SWT1: variants seen among roughly 807,000 people sequenced by gnomAD.
SWT1 encodes SWT1 RNA endoribonuclease homolog.
SWT1 carries 33 observed loss-of-function variants against 107.3 expected under a neutral mutation model. That is an observed-to-expected ratio of 0.31 (90% CI 0.23 to 0.41). SWT1 has a LOEUF of 0.41. Among genes scored for constraint, SWT1 ranks in the 10% least tolerant of loss-of-function variants. The pLI is 1.00. For synonymous variants in SWT1, 345 were observed against 348.3 expected (o/e 0.99, Z 0.11); for missense variants, 898 against 1,028.9 (o/e 0.87, Z 1.74).
chr1:185,162,816 T>TA (rs1218358032), intron 2 of SWT1, among the ~76,000 whole-genome samples: 3 of 151,876 alleles, frequency 2.0e-5, no homozygotes, highest in East Asian at 3.9e-4. Context: ...GCATTATGTC[T>TA]AAAAAAATGT....
Position 185,231,724 on chromosome 1 carries a change from A to C in SWT1, c.2441+16A>C. On this transcript the variant is annotated intron_variant, in intron 16 of 18. Transcript: ENST00000367500. ...GAATTCAAAGGTAAACACTATATTA[A>C]TTTTAAAGTGTTATTTACTTATTAC... The C allele has an allele frequency of 1.3e-6, 2 of 1,579,716 alleles. No individual in the cohort carries two copies. Among genetic ancestry groups the C allele is most frequent in the Non-Finnish European group, 1.7e-6 (2 of 1,156,870 alleles).
chr1:185,178,091 A>G (rs1405560244), intron 5 of SWT1, among the ~76,000 whole-genome samples: 2 of 152,226 alleles, frequency 1.3e-5, no homozygotes, highest in Non-Finnish European at 2.9e-5. Flanking sequence ...TGATGTTAGT[A>G]TAAATCTCCG....
intron 10 of SWT1, among the ~76,000 whole-genome samples, chr1:185,191,651 A>G (rs2102410798): frequency 6.6e-6 from 1 of 152,294 alleles, no homozygotes; most frequent in Non-Finnish European, 1.5e-5. Context: ...TTTAAATTAT[A>G]TTTTGATCTA....
At chr1:185,264,073 T>C (rs1663213879) in intron 16 of SWT1, 1 of 152,206 alleles carries the variant, frequency 6.6e-6, no homozygotes, top group Admixed American at 6.5e-5. Flanking sequence ...TCTCTCCTCA[T>C]TTAGTTGGTA....
At chr1:185,262,786 C>CT (rs572086827) in intron 16 of SWT1, among the ~76,000 whole-genome samples, 6,296 of 135,448 alleles carry the variant, frequency 0.046, 271 homozygotes, top group African/African-American at 0.12. Flanking sequence ...TTTCTTCTTT[C>CT]TTTTTTTTTT....
intron 7 of SWT1, 148 bp downstream of exon 7, chr1:185,182,205 C>T: frequency 2.7e-6 from 2 of 747,994 alleles, no homozygotes; most frequent in Middle Eastern, 4.1e-4. Flanking sequence ...TTTTTAGGTA[C>T]AGGAATTAGA....
intron 2 of SWT1, among the ~76,000 whole-genome samples, chr1:185,161,549 A>G (rs1488085722): frequency 1.3e-5 from 2 of 152,044 alleles, no homozygotes; most frequent in Non-Finnish European, 2.9e-5. Context: ...ACAAAAAAAA[A>G]AAGCCAGACG....
intron 14 of SWT1, among the ~76,000 whole-genome samples, chr1:185,217,682 A>C (rs1380099126): frequency 6.6e-6 from 1 of 150,778 alleles, no homozygotes; most frequent in Non-Finnish European, 1.5e-5. Context: ...TGCAACCTCC[A>C]CCTCCCAGGT....
chr1:185,219,878 G>A (rs1659503711), intron 14 of SWT1, among the ~76,000 whole-genome samples: 1 of 151,940 alleles, frequency 6.6e-6, no homozygotes, highest in Non-Finnish European at 1.5e-5. Context: ...GCTTATGCCT[G>A]TAATCCCAGC....
At chr1:185,251,983 C>T (rs1372208463) in intron 16 of SWT1, among the ~76,000 whole-genome samples, 3 of 151,536 alleles carry the variant, frequency 2.0e-5, no homozygotes, top group Admixed American at 1.3e-4. Flanking sequence ...TGTGATATTC[C>T]CCTTCCTGTG....
At chr1:185,170,028 G>A (rs1401814499) in intron 4 of SWT1, among the ~76,000 whole-genome samples, 1 of 152,134 alleles carries the variant, frequency 6.6e-6, no homozygotes, top group African/African-American at 2.4e-5. Flanking sequence ...GAAAATGCTA[G>A]AGCCGTTACC....
At chr1:185,183,075 T>C (rs1181948649) in intron 7 of SWT1, among the ~76,000 whole-genome samples, 1 of 151,028 alleles carries the variant, frequency 6.6e-6, no homozygotes, top group Non-Finnish European at 1.5e-5. Context: ...AAGCAGAGGT[T>C]GCAGTGAGCC....
intron 17 of SWT1, 38 bp downstream of exon 17, chr1:185,271,427 C>G (rs1340420345): frequency 9.5e-7 from 1 of 1,051,806 alleles, no homozygotes; most frequent in Non-Finnish European, 1.4e-6. Flanking sequence ...CACATTTCTA[C>G]TTTAAACAAA....
rs185919737 is a variant in SWT1, at chr1:185,279,061, G to A, written c.2573+2393G>A. On this transcript the variant is annotated intron_variant, in intron 18 of 18. Transcript: ENST00000367500. ...AATAAGTTTTTCAAGAAAATCTGAA[G>A]CCAGTTGGCATACACAAATCTGTTA... Among the ~76,000 whole-genome samples, 500 of 152,300 alleles carry A rather than the reference G, an allele frequency of 3.3e-3. 4 individuals are homozygous for A. The highest frequency in any genetic ancestry group is 0.011 in the African/African-American group (476 of 41,570).
chr1:185,275,486 A>C (rs560360636), intron 17 of SWT1, among the ~76,000 whole-genome samples: 1 of 149,126 alleles, frequency 6.7e-6, no homozygotes, highest in African/African-American at 2.4e-5. Context: ...TACTAATTTT[A>C]AGCAATATAT....
At chr1:185,178,368 A>G (rs1655741750) in intron 5 of SWT1, among the ~76,000 whole-genome samples, 1 of 152,182 alleles carries the variant, frequency 6.6e-6, no homozygotes, top group African/African-American at 2.4e-5. Flanking sequence ...TATCATGGGA[A>G]AGACTGGTTT....
At chr1:185,177,662 A>T (rs1443191443) in intron 5 of SWT1, among the ~76,000 whole-genome samples, 1 of 152,216 alleles carries the variant, frequency 6.6e-6, no homozygotes, top group Non-Finnish European at 1.5e-5. Context: ...TCCTAAAATA[A>T]TGAGTATACT....
chr1:185,244,444 A>G (rs1661460713), intron 16 of SWT1, among the ~76,000 whole-genome samples: 1 of 151,944 alleles, frequency 6.6e-6, no homozygotes, highest in Admixed American at 6.6e-5. Flanking sequence ...GTACCTAAAC[A>G]TACGTAAACA....
At chr1:185,272,257 C>T (rs1463924712) in intron 17 of SWT1, among the ~76,000 whole-genome samples, 1 of 152,220 alleles carries the variant, frequency 6.6e-6, no homozygotes, top group Non-Finnish European at 1.5e-5. Context: ...GCATGCTCTC[C>T]TCATCATTAC....
Sources: gnomAD v4.1 joint callset for allele counts (sites outside exome capture counted in the v4.1 genomes callset) on GRCh38, gnomAD v4.1.1 for gene constraint, MANE v1.5 for transcripts, NCBI Gene and HGNC (gene_info 2026-07-23, HGNC 2026-07-21) for gene names.